Variants in PITPNC1 observed in about 807,000 individuals in gnomAD.
The protein encoded by PITPNC1 is cytoplasmic phosphatidylinositol transfer protein 1.
A neutral mutation model predicts 44.7 loss-of-function variants in PITPNC1; 18 were observed. The ratio of observed to expected loss-of-function variants is 0.40; its 90% confidence interval spans 0.28 to 0.60. The LOEUF is 0.60. PITPNC1 is among the 20% of genes least tolerant of loss of function. PITPNC1 has a pLI of 0.39. For synonymous variants in PITPNC1, 141 were observed against 149.6 expected (o/e 0.94, Z 0.42); for missense variants, 290 against 418.4 (o/e 0.69, Z 2.68).
At chr17:67,483,419 G>C (rs539732980) in intron 1 of PITPNC1, among the ~76,000 whole-genome samples, 1 of 152,278 alleles carries the variant, frequency 6.6e-6, no homozygotes, top group Non-Finnish European at 1.5e-5. Flanking sequence ...TCAGAGTTCT[G>C]AGTGTTGGAT....
At chr17:67,446,573 T>C (rs2039098801) in intron 1 of PITPNC1, among the ~76,000 whole-genome samples, 1 of 151,722 alleles carries the variant, frequency 6.6e-6, no homozygotes, top group Admixed American at 6.6e-5. Context: ...GAGCCTATTG[T>C]TGTCTTGCCA....
intron 1 of PITPNC1, among the ~76,000 whole-genome samples, chr17:67,411,586 G>A (rs535398924): frequency 6.6e-6 from 1 of 152,154 alleles, no homozygotes; most frequent in South Asian, 2.1e-4. Flanking sequence ...CAGGCCTAGG[G>A]GAACCTGTGT....
intron 1 of PITPNC1, among the ~76,000 whole-genome samples, chr17:67,520,363 T>C (rs2040309789): frequency 6.6e-6 from 1 of 152,196 alleles, no homozygotes; most frequent in African/African-American, 2.4e-5. Context: ...GGTCTTGTGA[T>C]TGACTGTGGG....
intron 2 of PITPNC1, among the ~76,000 whole-genome samples, chr17:67,543,645 T>A (rs972900521): frequency 6.6e-6 from 1 of 152,216 alleles, no homozygotes; most frequent in Admixed American, 6.5e-5. Flanking sequence ...GCCAATTTTT[T>A]AATTGGGTCC....
chr17:67,581,169 G>A (rs1308105700), intron 5 of PITPNC1, among the ~76,000 whole-genome samples: 11 of 152,196 alleles, frequency 7.2e-5, no homozygotes, highest in Admixed American at 5.9e-4. Flanking sequence ...TATGGTTATT[G>A]TGTATTATTA....
chr17:67,534,816 A>G (rs974724207), intron 2 of PITPNC1, among the ~76,000 whole-genome samples: 1 of 152,124 alleles, frequency 6.6e-6, no homozygotes, highest in Non-Finnish European at 1.5e-5. Flanking sequence ...AGTATTTCCA[A>G]CACCCTAGCT....
At chr17:67,605,801 C>A (rs953777446) in intron 5 of PITPNC1, among the ~76,000 whole-genome samples, 1 of 152,180 alleles carries the variant, frequency 6.6e-6, no homozygotes, top group East Asian at 1.9e-4. Context: ...TTGTGGAGCT[C>A]CTTTTAAGTC....
chr17:67,660,962 A>G (rs1237857129), intron 6 of PITPNC1, among the ~76,000 whole-genome samples: 2 of 150,290 alleles, frequency 1.3e-5, no homozygotes, highest in African/African-American at 4.9e-5. Flanking sequence ...AGGTTCAAGC[A>G]ATTCTCTTCC....
At chr17:67,624,497 C>A (rs2041871954) in intron 5 of PITPNC1, among the ~76,000 whole-genome samples, 1 of 151,802 alleles carries the variant, frequency 6.6e-6, no homozygotes, top group South Asian at 2.1e-4. Context: ...CTGTGCCTTG[C>A]CAAGATTCTT....
chr17:67,471,659 A>G (rs950807469), intron 1 of PITPNC1: 1 of 220,444 alleles, frequency 4.5e-6, no homozygotes, highest in Non-Finnish European at 9.6e-6. Context: ...TACCCCCTAA[A>G]GTTAACTTTA....
intron 1 of PITPNC1, among the ~76,000 whole-genome samples, chr17:67,400,183 T>C (rs1419676855): frequency 6.6e-6 from 1 of 152,202 alleles, no homozygotes; most frequent in East Asian, 1.9e-4. Context: ...CCAAATGGCC[T>C]ATGGGAAATC....
At chr17:67,503,528 C>G (rs1306272715) in intron 1 of PITPNC1, among the ~76,000 whole-genome samples, 1 of 151,942 alleles carries the variant, frequency 6.6e-6, no homozygotes, top group African/African-American at 2.4e-5. Flanking sequence ...CTGTAGGGGA[C>G]AAGGGAAAAC....
At chr17:67,462,890 C>T (rs1015317115) in intron 1 of PITPNC1, among the ~76,000 whole-genome samples, 3 of 151,828 alleles carry the variant, frequency 2.0e-5, no homozygotes, top group Non-Finnish European at 4.4e-5. Flanking sequence ...TTAGTAGAGG[C>T]GGGGTTTCTG....
chr17:67,463,504 G>C (rs893258255), intron 1 of PITPNC1, among the ~76,000 whole-genome samples: 6 of 152,174 alleles, frequency 3.9e-5, no homozygotes, highest in African/African-American at 1.4e-4. Context: ...GTCTGAGGTA[G>C]CAAATTCGGC....
At chr17:67,583,754 G>A (rs1447674230) in intron 5 of PITPNC1, among the ~76,000 whole-genome samples, 2 of 81,598 alleles carry the variant, frequency 2.5e-5, no homozygotes, top group Non-Finnish European at 5.1e-5. Flanking sequence ...GAGTGCAGTG[G>A]CGCGATCTCA....
chr17:67,572,469 G>C lies in PITPNC1; in HGVS notation c.295-5717G>C, dbSNP rs1466388327. Among the ~76,000 whole-genome samples, 3 of 18,184 alleles carry C rather than the reference G, an allele frequency of 1.6e-4. No individual in the cohort carries two copies. The Admixed American group carries it at 1.7e-3, about 11-fold the overall frequency. 11.9% of individuals were successfully genotyped at this position (18,184 alleles called of 152,430 possible). On this transcript the variant is annotated intron_variant, in intron 4 of 8. Transcript: ENST00000581322. Reference sequence around the variant, plus strand: ...AACACCTGAAGAAGCTGGGTAAAGCGGGGGGGGGGGGTAAAGAAGAAGGGG... The same window carrying C: ...AACACCTGAAGAAGCTGGGTAAAGCCGGGGGGGGGGGTAAAGAAGAAGGGG...
chr17:67,458,767 C>T (rs748018288), intron 1 of PITPNC1, among the ~76,000 whole-genome samples: 5 of 151,658 alleles, frequency 3.3e-5, no homozygotes, highest in East Asian at 1.9e-4. Context: ...ATTTTTTTTC[C>T]GTGGGAATCT....
At chr17:67,422,753 G>T in intron 1 of PITPNC1, among the ~76,000 whole-genome samples, 1 of 152,040 alleles carries the variant, frequency 6.6e-6, no homozygotes, top group Non-Finnish European at 1.5e-5. Context: ...TGGCCAGGCT[G>T]GTCTCGAACT....
chr17:67,452,764 G>T (rs1230112519), intron 1 of PITPNC1, among the ~76,000 whole-genome samples: 1 of 152,168 alleles, frequency 6.6e-6, no homozygotes, highest in East Asian at 1.9e-4. Flanking sequence ...GTGATTACAG[G>T]CGTGAGCCAC....
Sources: gnomAD v4.1 joint callset for allele counts (sites outside exome capture counted in the v4.1 genomes callset) on GRCh38, gnomAD v4.1.1 for gene constraint, MANE v1.5 for transcripts, NCBI Gene and HGNC (gene_info 2026-07-23, HGNC 2026-07-21) for gene names.